The following CHD1L variants were observed in gnomAD, a reference collection of about 807,000 sequenced individuals.
CHD1L encodes the protein chromodomain helicase DNA binding protein 1 like, also known as ATP-dependent chromatin remodeler CHD1L.
CHD1L carries 118 observed loss-of-function variants against 115.9 expected under a neutral mutation model. That is an observed-to-expected ratio of 1.02 (90% CI 0.88 to 1.19). CHD1L has a LOEUF of 1.19. Ranked by LOEUF, CHD1L falls within the 50% of genes most tolerant of loss-of-function variation. CHD1L has a pLI of 0.00. For synonymous variants in CHD1L, 411 were observed against 387.1 expected, an observed-to-expected ratio of 1.06 and a Z score of -0.72; for missense variants, 1,179 against 1,065.3, an observed-to-expected ratio of 1.11 and a Z score of -1.49.
chr1:147,191,292 T>G, the CHD1L span, among the ~76,000 whole-genome samples: 1 of 151,578 alleles, frequency 6.6e-6, no homozygotes, highest in Non-Finnish European at 1.5e-5. Flanking sequence ...TAGTTTACAG[T>G]CCCACCAACA....
At chr1:147,178,124 G>A in the CHD1L span, 5 of 1,591,140 alleles carry the variant, frequency 3.1e-6, no homozygotes, top group African/African-American at 6.7e-5. Flanking sequence ...ATGTGCCTCC[G>A]CCGCCCAGCG....
intron 14 of CHD1L, among the ~76,000 whole-genome samples, chr1:147,278,222 GT>G (rs71083825): frequency 6.6e-5 from 6 of 91,130 alleles, no homozygotes; most frequent in African/African-American, 9.1e-5. Context: ...TGTTTTTTGG[GT>G]TTTTTTTTTT....
chr1:147,209,142 C>G, the CHD1L span: 7 of 1,130,840 alleles, frequency 6.2e-6, no homozygotes, highest in African/African-American at 1.6e-5. Context: ...ATTTCAGGCC[C>G]GGCGCGGTGG....
chr1:147,255,130 G>A (rs1363709605), intron 3 of CHD1L, among the ~76,000 whole-genome samples, 154 bp downstream of exon 3: 3 of 152,284 alleles, frequency 2.0e-5, no homozygotes, highest in African/African-American at 2.4e-5. Flanking sequence ...AGACACTGAG[G>A]ATATAATAGG....
chr1:147,260,833 T>TA (rs1553943672), intron 6 of CHD1L: 1 of 152,200 alleles, frequency 6.6e-6, no homozygotes, highest in Non-Finnish European at 1.5e-5. Context: ...AGATGAGAAA[T>TA]ACCATTGTAC....
chr1:147,175,733 A>AAATAGGCT, the CHD1L span: 1 of 152,124 alleles, frequency 6.6e-6, no homozygotes, highest in Non-Finnish European at 1.5e-5. Context: ...AGCAGTGTGA[A>AAATAGGCT]AATAGGCTAA....
At chr1:147,290,060 G>T (rs1288739882) in intron 19 of CHD1L, among the ~76,000 whole-genome samples, 2 of 152,152 alleles carry the variant, frequency 1.3e-5, no homozygotes, top group African/African-American at 2.4e-5. Flanking sequence ...AATAGACAGG[G>T]TCTGTAAAAT....
chr1:147,184,951 T>C, the CHD1L span, among the ~76,000 whole-genome samples: 1 of 151,960 alleles, frequency 6.6e-6, no homozygotes, highest in Non-Finnish European at 1.5e-5. The surrounding 1 kb of genome is among the most constrained non-coding windows in gnomAD (Gnocchi z 4.4). Flanking sequence ...TTTATTAATG[T>C]ATTCAATTTT....
At position 147,280,185 on chromosome 1, in the gene CHD1L, G is replaced by A; in HGVS notation, c.1699G>A (p.Glu567Lys). The change falls in exon 15 of 23, where the codon GAA becomes AAA. Residue 567 changes from glutamate to lysine, a missense_variant. Transcript: ENST00000369258. ...AAEGGSRDQE[E>K]GKNHMYLFEG... ...AGAAGGAGGGAGCAGAGATCAAGAGGAAGGAAGTAAGTTGGAGGTTAGAGC... is the reference window on the plus strand; with the variant it reads ...AGAAGGAGGGAGCAGAGATCAAGAGAAAGGAAGTAAGTTGGAGGTTAGAGC... 3 of 1,593,122 alleles carry A rather than the reference G, an allele frequency of 1.9e-6. No homozygotes were observed. The highest frequency in any genetic ancestry group is 2.6e-6 in the Non-Finnish European group (3 of 1,170,654).
In CHD1L at chr1:147,267,324, A is replaced by G. The variant is rs1030658098; in HGVS notation, c.896-102A>G. The G allele has an allele frequency of 4.0e-6, 3 of 750,908 alleles. No homozygotes were observed. The African/African-American group carries it at 5.3e-5, about 13-fold the overall frequency. The allele number at this position is 750,908 out of a possible 1,614,324, so 46.5% of individuals were successfully genotyped here. On this transcript the variant is annotated intron_variant, in intron 8 of 22. Transcript: ENST00000369258. ...AGGTTAGTATAGGTTCAAAGGATAT[A>G]ATTGAAATGATTAAGGTTACTTGTA...
intron 5 of CHD1L, among the ~76,000 whole-genome samples, chr1:147,257,514 G>T (rs1001589899): frequency 1.3e-5 from 2 of 152,010 alleles, no homozygotes; most frequent in East Asian, 3.9e-4. Flanking sequence ...ATTGTTCTGA[G>T]AGTTATTGGC....
At chr1:147,191,679 A>AT in the CHD1L span, among the ~76,000 whole-genome samples, 409 of 149,046 alleles carry the variant, frequency 2.7e-3, 12 homozygotes, top group African/African-American at 8.7e-3. Flanking sequence ...TCTTGAATTG[A>AT]TTTTTGTATA....
chr1:147,178,071 C>A, the CHD1L span: 6 of 1,189,122 alleles, frequency 5.0e-6, no homozygotes, highest in South Asian at 6.1e-5. Context: ...CAGTCCCAGT[C>A]GAGCCGCGAC....
At chr1:147,240,715 C>G (rs900340079), upstream of CHD1L, among the ~76,000 whole-genome samples, 3 of 152,134 alleles carry the variant, frequency 2.0e-5, no homozygotes, top group African/African-American at 7.2e-5. Flanking sequence ...CAATACTGCT[C>G]TTTAAGGCAT....
intron 1 of CHD1L, among the ~76,000 whole-genome samples, chr1:147,250,107 T>C (rs1181210616): frequency 6.6e-6 from 1 of 152,210 alleles, no homozygotes; most frequent in South Asian, 2.1e-4. Context: ...TTCTGTTTCT[T>C]ACCTGAGGTT....
chr1:147,242,928 G>C, intron 1 of CHD1L, 98 bp downstream of exon 1: 5 of 1,213,000 alleles, frequency 4.1e-6, no homozygotes, highest in Non-Finnish European at 5.2e-6. Context: ...CCGGTGGGCA[G>C]TTTACCCGCT....
chr1:147,240,064 T>C (rs1006172691), upstream of CHD1L, among the ~76,000 whole-genome samples: 1 of 152,204 alleles, frequency 6.6e-6, no homozygotes, highest in African/African-American at 2.4e-5. Context: ...CATTATGCGA[T>C]TGTGTTTTAC....
At chr1:147,287,407 C>A (rs1162607887) in intron 18 of CHD1L, among the ~76,000 whole-genome samples, 1 of 152,170 alleles carries the variant, frequency 6.6e-6, no homozygotes, top group Non-Finnish European at 1.5e-5. Context: ...CATTGAGAAC[C>A]CTAATTTTTG....
At chr1:147,291,750 G>GCC (rs1685618455) in intron 20 of CHD1L, among the ~76,000 whole-genome samples, 198 bp downstream of exon 20, 1 of 152,162 alleles carries the variant, frequency 6.6e-6, no homozygotes, top group Non-Finnish European at 1.5e-5. Context: ...CCAAGATCAA[G>GCC]GTATCGGCAG....
Sources: allele counts gnomAD v4.1 joint callset (sites outside exome capture counted in the v4.1 genomes callset), GRCh38; gene constraint gnomAD v4.1.1; non-coding constraint Gnocchi (gnomAD v3.1); transcripts MANE v1.5; gene names NCBI Gene and HGNC (gene_info 2026-07-23, HGNC 2026-07-21).